Variants in WDR17 observed in about 807,000 individuals in gnomAD.
The protein encoded by WDR17 is WD repeat-containing protein 17.
Under a neutral mutation model 161.7 loss-of-function variants are expected in WDR17, and 143 were observed. That is an observed-to-expected ratio of 0.88 (90% confidence interval 0.77 to 1.02). The LOEUF is 1.02. Among genes scored for constraint, WDR17 ranks in the 50% least tolerant of loss-of-function variants. The probability of loss-of-function intolerance (pLI) is 0.00; values close to 1 mark genes in which losing one functional copy is unlikely to be tolerated. For missense variants in WDR17, 1,469 were observed against 1,520.9 expected (o/e 0.97, Z 0.57); for synonymous variants, 517 against 515.6 (o/e 1.00, Z -0.04).
At chr4:176,095,779 TGTTGA>T (rs1467733145) in intron 1 of WDR17, among the ~76,000 whole-genome samples, 1 of 152,116 alleles carries the variant, frequency 6.6e-6, no homozygotes, top group African/African-American at 2.4e-5. Context: ...ACCTGTTGTA[TGTTGA>T]GTTAAGCATC....
At chr4:176,069,620 G>A (rs775371749) in intron 1 of WDR17, among the ~76,000 whole-genome samples, 1 of 152,038 alleles carries the variant, frequency 6.6e-6, no homozygotes, top group African/African-American at 2.4e-5. Flanking sequence ...TTATGCTTAG[G>A]TTTATTGTTT....
intron 12 of WDR17, among the ~76,000 whole-genome samples, chr4:176,147,164 C>T (rs187088702): frequency 1.6e-3 from 249 of 151,764 alleles, no homozygotes; most frequent in African/African-American, 5.5e-3. Flanking sequence ...TGCGCCTGGC[C>T]GAAATGAAAC....
intron 1 of WDR17, among the ~76,000 whole-genome samples, chr4:176,110,384 C>G (rs1427614021): frequency 6.6e-6 from 1 of 152,148 alleles, no homozygotes; most frequent in African/African-American, 2.4e-5. Flanking sequence ...CTTCGGCCTC[C>G]CAAAGAGCTG....
At chr4:176,089,535 G>C (rs1674022550) in intron 1 of WDR17, among the ~76,000 whole-genome samples, 1 of 152,062 alleles carries the variant, frequency 6.6e-6, no homozygotes, top group Admixed American at 6.6e-5. Flanking sequence ...TTGCATGTAT[G>C]AGTGCCAAGT....
intron 20 of WDR17, among the ~76,000 whole-genome samples, chr4:176,161,562 A>G (rs182690498): frequency 6.6e-6 from 1 of 152,240 alleles, no homozygotes; most frequent in East Asian, 1.9e-4. Context: ...TTATTAAGCT[A>G]GAAAATAGGA....
chr4:176,116,952 T>A (rs974123133), intron 3 of WDR17, among the ~76,000 whole-genome samples: 3 of 151,910 alleles, frequency 2.0e-5, no homozygotes, highest in African/African-American at 7.2e-5. Flanking sequence ...AAGATATTTG[T>A]CAAATGAAGT....
intron 3 of WDR17, among the ~76,000 whole-genome samples, chr4:176,119,125 A>C: frequency 6.6e-6 from 1 of 152,058 alleles, no homozygotes; most frequent in East Asian, 1.9e-4. Flanking sequence ...CATAATACTT[A>C]TTTTATATAT....
At chr4:176,177,434 C>G in intron 27 of WDR17, 37 bp from the exon 28 acceptor site, 1 of 1,483,474 alleles carries the variant, frequency 6.7e-7, no homozygotes, top group African/African-American at 1.4e-5. Flanking sequence ...TTCTGTGATT[C>G]GACAAAATGA....
intron 23 of WDR17, 25 bp from the exon 24 acceptor site, chr4:176,172,350 T>C (rs200854106): frequency 1.3e-6 from 2 of 1,594,662 alleles, no homozygotes; most frequent in Non-Finnish European, 1.7e-6. Context: ...TTAGTAACAT[T>C]GTTTTCAAAT....
At chr4:176,137,984 T>TA (rs1744676467) in intron 9 of WDR17, among the ~76,000 whole-genome samples, 1 of 151,336 alleles carries the variant, frequency 6.6e-6, no homozygotes. Flanking sequence ...TTTCTTCACC[T>TA]AAAAAATGTT....
chr4:176,151,767 AAATAT>A (rs1747156282), intron 16 of WDR17, 40 bp from the exon 17 acceptor site: 1 of 1,514,634 alleles, frequency 6.6e-7, no homozygotes, highest in Non-Finnish European at 8.9e-7. Context: ...ATACAAAACA[AAATAT>A]GTCAAATTTT....
chr4:176,100,848 T>G (rs1440841651), intron 1 of WDR17, among the ~76,000 whole-genome samples: 1 of 152,172 alleles, frequency 6.6e-6, no homozygotes, highest in Non-Finnish European at 1.5e-5. Context: ...GGGTATCCTT[T>G]CCTCACTCTG....
chr4:176,090,197 C>T (rs1271149906), intron 1 of WDR17, among the ~76,000 whole-genome samples: 1 of 150,320 alleles, frequency 6.7e-6, no homozygotes, highest in African/African-American at 2.5e-5. Context: ...TGTTTGGTGT[C>T]ATCCTTGCAG....
intron 1 of WDR17, among the ~76,000 whole-genome samples, chr4:176,069,974 A>G (rs868253847): frequency 1.1e-4 from 16 of 152,338 alleles, no homozygotes; most frequent in African/African-American, 3.6e-4. Flanking sequence ...TTTTATTTTT[A>G]AGGTAAACAG....
intron 8 of WDR17, among the ~76,000 whole-genome samples, chr4:176,135,491 T>A (rs986538243): frequency 1.3e-5 from 2 of 151,588 alleles, no homozygotes; most frequent in Non-Finnish European, 3.0e-5. Context: ...ATATAACAAG[T>A]CATGTAGAAA....
At position 176,155,545 on chromosome 4, in the gene WDR17, G is replaced by GT. The variant is rs869207103; in HGVS notation, c.2461-518dup. ...TTTGTTTTTTTGTTTATTTGTTTGT[G>GT]TTTTTTTTTTTTTTTTGGAGACGAA... is the stretch of plus-strand genomic sequence containing the variant. On this transcript the variant is annotated intron_variant, in intron 17 of 28. Transcript: ENST00000508596. 5.0e-3 allele frequency among the ~76,000 whole-genome samples: 527 copies of GT among 105,218 alleles called. 12 individuals carry two copies. The highest frequency in any genetic ancestry group is 0.013 in the African/African-American group (322 of 25,658). 69.0% of individuals were successfully genotyped at this position (105,218 alleles called of 152,430 possible).
chr4:176,101,274 A>T (rs111774749), intron 1 of WDR17, among the ~76,000 whole-genome samples: 2 of 152,086 alleles, frequency 1.3e-5, no homozygotes, highest in African/African-American at 4.8e-5. Context: ...AGCACTGGTC[A>T]TGGGCACGTG....
At chr4:176,093,066 A>G (rs1332608349) in intron 1 of WDR17, among the ~76,000 whole-genome samples, 1 of 152,112 alleles carries the variant, frequency 6.6e-6, no homozygotes, top group Non-Finnish European at 1.5e-5. Context: ...AGAAAAGAAA[A>G]GAAATCAAGA....
rs756764795 is a variant in WDR17, at chr4:176,107,821, CTTCCTTCCTTCCT to C, written c.-6-3739_-6-3727del. Reference sequence around the variant, plus strand: ...TGGGTACTATTGATAGTGTTTTTCCCTTCCTTCCTTCCTTTCCTTCCTTCCTTCCTTTTTTTCT... The same window carrying C: ...TGGGTACTATTGATAGTGTTTTTCCCTTCCTTCCTTCCTTCCTTTTTTTCT... On this transcript the variant is annotated intron_variant, in intron 1 of 28. Coordinates refer to ENST00000508596, the MANE Select transcript of WDR17 (RefSeq NM_181265.4). Among the ~76,000 whole-genome samples, 46 of 150,772 alleles carry C rather than the reference CTTCCTTCCTTCCT, an allele frequency of 3.1e-4. 2 individuals are homozygous for C. The Middle Eastern group carries it at 0.01, about 33-fold the overall frequency.
Sources: gnomAD v4.1 joint callset for allele counts (sites outside exome capture counted in the v4.1 genomes callset) on GRCh38, gnomAD v4.1.1 for gene constraint, MANE v1.5 for transcripts, NCBI Gene and HGNC (gene_info 2026-07-23, HGNC 2026-07-21) for gene names.